MMP16: variants seen among roughly 807,000 people sequenced by gnomAD.
MMP16 encodes matrix metallopeptidase 16.
In MMP16, 12 loss-of-function variants were observed where a neutral mutation model predicts 67.8. The observed-to-expected ratio is 0.18, with a 90% CI of 0.11 to 0.29. The LOEUF is 0.29. Among genes scored for constraint, MMP16 ranks in the 10% least tolerant of loss-of-function variants. The probability of loss-of-function intolerance (pLI) is 1.00; values close to 1 mark genes in which losing one functional copy is unlikely to be tolerated. For missense variants in MMP16, 475 were observed against 765.7 expected (o/e 0.62, Z 4.48); for synonymous variants, 249 against 255.9 (o/e 0.97, Z 0.26).
intron 1 of MMP16, among the ~76,000 whole-genome samples, chr8:88,251,771 T>C (rs1197006440): frequency 1.6e-5 from 2 of 127,348 alleles, no homozygotes; most frequent in African/African-American, 3.1e-5. Flanking sequence ...ATCCAGAATC[T>C]ACAATGAACT....
At chr8:88,256,249 T>C in intron 1 of MMP16, among the ~76,000 whole-genome samples, 2 of 152,216 alleles carry the variant, frequency 1.3e-5, no homozygotes, top group East Asian at 3.9e-4. Context: ...ATAGATTAGG[T>C]TTGTATTTGT....
intron 1 of MMP16, among the ~76,000 whole-genome samples, chr8:88,277,715 T>C (rs1055144099): frequency 2.6e-5 from 4 of 152,188 alleles, no homozygotes; most frequent in Non-Finnish European, 5.9e-5. Context: ...AAGGAATGAA[T>C]TTTTGATCTC....
chr8:88,135,857 T>C (rs988431780), intron 4 of MMP16, among the ~76,000 whole-genome samples: 5 of 151,886 alleles, frequency 3.3e-5, no homozygotes, highest in Non-Finnish European at 7.4e-5. Flanking sequence ...GAGATTCCTA[T>C]GGAACAGTGA....
intron 1 of MMP16, among the ~76,000 whole-genome samples, chr8:88,202,444 C>A (rs1220006785): frequency 6.6e-6 from 1 of 152,120 alleles, no homozygotes; most frequent in Admixed American, 6.6e-5. Context: ...GGGAGCAAAA[C>A]CCCTCAAACG....
intron 8 of MMP16, among the ~76,000 whole-genome samples, chr8:88,048,701 G>C (rs928118315): frequency 6.6e-6 from 1 of 152,030 alleles, no homozygotes. Flanking sequence ...CACCAAATAC[G>C]TTTCCCAATT....
At chr8:88,297,295 C>A (rs12114224) in intron 1 of MMP16, among the ~76,000 whole-genome samples, 21,329 of 152,058 alleles carry the variant, frequency 0.14, 2,070 homozygotes, top group African/African-American at 0.26. Flanking sequence ...TCTAAGGAAG[C>A]AGTGCCAACA....
intron 6 of MMP16, among the ~76,000 whole-genome samples, chr8:88,096,118 T>C (rs1042168496): frequency 7.9e-5 from 12 of 151,994 alleles, no homozygotes; most frequent in African/African-American, 2.9e-4. Flanking sequence ...ACGTTGTTTA[T>C]TGATTTTGGT....
At chr8:88,052,038 C>T (rs1229107053) in intron 8 of MMP16, among the ~76,000 whole-genome samples, 4 of 152,128 alleles carry the variant, frequency 2.6e-5, no homozygotes, top group Admixed American at 1.3e-4. Flanking sequence ...TTCATCTACT[C>T]TCTTTAGCTA....
intron 1 of MMP16, among the ~76,000 whole-genome samples, chr8:88,212,135 G>A (rs755453319): frequency 6.6e-6 from 1 of 152,134 alleles, no homozygotes; most frequent in Non-Finnish European, 1.5e-5. Context: ...GCCTCTGAGA[G>A]CACTCAGTGT....
At chr8:88,047,386 A>G (rs982894825) in intron 8 of MMP16, among the ~76,000 whole-genome samples, 1 of 152,220 alleles carries the variant, frequency 6.6e-6, no homozygotes, top group Non-Finnish European at 1.5e-5. Context: ...CCAATTTATC[A>G]ATAAATACAT....
chr8:88,217,227 C>A lies in MMP16; in HGVS notation c.133-19921G>T, dbSNP rs565794080. On this transcript the variant is annotated intron_variant, in intron 1 of 9. Coordinates refer to ENST00000286614, the MANE Select transcript of MMP16 (RefSeq NM_005941.5). ...TAAATAGATAATGGTATTTAGAAAC[C>A]AAGATCCAGGCAAAAAGTGTATTTA... Among the ~76,000 whole-genome samples, 17 of 152,096 alleles carry A rather than the reference C, an allele frequency of 1.1e-4. 1 individual carries two copies. In the South Asian group the frequency reaches 3.5e-3, roughly 32 times the overall value.
At chr8:88,097,597 A>G (rs1367247777) in intron 6 of MMP16, among the ~76,000 whole-genome samples, 1 of 140,098 alleles carries the variant, frequency 7.1e-6, no homozygotes, top group Non-Finnish European at 1.5e-5. Flanking sequence ...CTGCACTCCA[A>G]CCTGAGAGCC....
chr8:88,231,366 G>C (rs987029138), intron 1 of MMP16, among the ~76,000 whole-genome samples: 5 of 152,096 alleles, frequency 3.3e-5, no homozygotes. Flanking sequence ...CATTTGATCA[G>C]TTTTATCTTA....
At position 88,110,094 on chromosome 8, in the gene MMP16, T is replaced by C. The variant is rs114983406; in HGVS notation, c.1083+6413A>G. ...CCAAAATTCCAAATAAAGCATATAT[T>C]AAACATTGCTTTATACCACTGAAAA... On this transcript the variant is annotated intron_variant, in intron 6 of 9. Transcript: ENST00000286614. Among the ~76,000 whole-genome samples, 378 of 151,418 alleles carry C rather than the reference T, an allele frequency of 2.5e-3. 2 individuals are homozygous for C. Among genetic ancestry groups the C allele is most frequent in the African/African-American group, 8.4e-3 (350 of 41,464 alleles).
At chr8:88,081,363 G>T (rs892344801) in intron 6 of MMP16, among the ~76,000 whole-genome samples, 3 of 152,104 alleles carry the variant, frequency 2.0e-5, no homozygotes, top group African/African-American at 7.2e-5. Context: ...CAAACTATCA[G>T]AATTTCTCAG....
At chr8:88,179,358 C>T (rs1797355993) in intron 3 of MMP16, among the ~76,000 whole-genome samples, 1 of 151,474 alleles carries the variant, frequency 6.6e-6, no homozygotes, top group Non-Finnish European at 1.5e-5. Context: ...TCCAGTGAAA[C>T]CATCATTTAA....
chr8:88,156,368 A>G (rs1033014214), intron 4 of MMP16, among the ~76,000 whole-genome samples: 4 of 152,060 alleles, frequency 2.6e-5, no homozygotes, highest in African/African-American at 4.8e-5. Flanking sequence ...TGATGCATTA[A>G]ATCAATGGCA....
intron 1 of MMP16, among the ~76,000 whole-genome samples, chr8:88,256,577 A>G (rs564431973): frequency 6.6e-6 from 1 of 152,100 alleles, no homozygotes; most frequent in Non-Finnish European, 1.5e-5. Context: ...GAAGAAAGAC[A>G]AACTACTGAA....
rs1808030141 is a variant in MMP16 at position 88,034,534 on chromosome 8, C to G, written c.*6927G>C. 2 of 152,312 alleles carry G rather than the reference C, an allele frequency of 1.3e-5. No homozygotes were observed. Among genetic ancestry groups the G allele is most frequent in the Admixed American group, 1.3e-4 (2 of 15,198 alleles). 9.4% of individuals were successfully genotyped at this position (152,312 alleles called of 1,614,324 possible). A position where few individuals can be genotyped will look rare whatever the true frequency, so the allele number is the denominator to read the frequency against. ...GTAAAAGAAGTAAATGCCAAAAAGA[C>G]CTAAAAACCTAATTTTACTCAGGCA... On this transcript the variant is annotated 3_prime_UTR_variant, in exon 10 of 10. Transcript: ENST00000286614.
Sources: allele counts gnomAD v4.1 joint callset (sites outside exome capture counted in the v4.1 genomes callset), GRCh38; gene constraint gnomAD v4.1.1; transcripts MANE v1.5; gene names NCBI Gene and HGNC (gene_info 2026-07-23, HGNC 2026-07-21).